The following CBLC variants were observed in gnomAD, a reference collection of about 807,000 sequenced individuals.
CBLC encodes the protein E3 ubiquitin-protein ligase CBL-C.
A neutral mutation model predicts 58.6 loss-of-function variants in CBLC; 46 were observed. The ratio of observed to expected loss-of-function variants is 0.79; its 90% CI spans 0.62 to 1.00. The LOEUF is 1.00. Among genes scored for constraint, CBLC ranks in the 50% least tolerant of loss-of-function variants. The pLI is 0.00. For synonymous variants in CBLC, 271 were observed against 264.2 expected (o/e 1.03, Z -0.25); for missense variants, 655 against 625.8 (o/e 1.05, Z -0.50).
In CBLC at chr19:44,777,959, C is replaced by T; in HGVS notation, c.28C>T (p.Arg10Ter). Residue 10 changes from arginine to a stop codon, truncating the protein, a stop_gained, in exon 1 of 11, where the codon CGA (arginine) becomes TGA (stop). Coordinates refer to ENST00000647358, the MANE Select transcript of CBLC (RefSeq NM_012116.4). LOFTEE classifies it high-confidence loss of function. ...GGCTCTGGCGGTGGCCCCGTGGGGGCGACAGTGGGAAGAGGCCCGCGCCCT... is the reference window on the plus strand; with the variant it reads ...GGCTCTGGCGGTGGCCCCGTGGGGGTGACAGTGGGAAGAGGCCCGCGCCCT... MALAVAPWG[R>*]QWEEARALGR... 6.2e-6 allele frequency: 10 copies of T among 1,600,840 alleles called. No homozygotes were observed. Among genetic ancestry groups the T allele is most frequent in the Non-Finnish European group, 8.5e-6 (10 of 1,176,538 alleles).
chr19:44,781,132 T>A, intron 2 of CBLC, 75 bp from the exon 3 acceptor site: 2 of 1,575,058 alleles, frequency 1.3e-6, no homozygotes, highest in South Asian at 1.2e-5. Context: ...CCACAGCTGC[T>A]TCTTTCCTGG....
At chr19:44,788,859 G>A (rs1449731281) in intron 5 of CBLC, among the ~76,000 whole-genome samples, 1 of 152,074 alleles carries the variant, frequency 6.6e-6, no homozygotes, top group Non-Finnish European at 1.5e-5. Flanking sequence ...TCATGTCCAT[G>A]TTACAGAAGG....
At chr19:44,784,020 A>G (rs1341169917) in intron 4 of CBLC, among the ~76,000 whole-genome samples, 1 of 152,196 alleles carries the variant, frequency 6.6e-6, no homozygotes, top group African/African-American at 2.4e-5. Flanking sequence ...ACTCCAGTGA[A>G]GCGAGGAGAG....
At chr19:44,790,267 C>T (rs939783239) in intron 6 of CBLC, among the ~76,000 whole-genome samples, 176 bp downstream of exon 6, 1 of 152,070 alleles carries the variant, frequency 6.6e-6, no homozygotes, top group South Asian at 2.1e-4. Flanking sequence ...CCTCCTGCCT[C>T]TTTCCCAGGG....
Position 44,797,574 on chromosome 19 carries a change from C to CTTTTTTTTT in CBLC, c.1363-2800_1363-2792dup, listed in dbSNP as rs763685561. Among the ~76,000 whole-genome samples the CTTTTTTTTT allele has an allele frequency of 1.1e-3, 151 of 133,156 alleles. 2 individuals carry two copies. Among genetic ancestry groups the CTTTTTTTTT allele is most frequent in the Non-Finnish European group, 1.5e-3 (96 of 62,824 alleles). 87.4% of individuals were successfully genotyped at this position (133,156 alleles called of 152,430 possible). ...AACTTTTGCTATGTGCCTGGCATTG[C>CTTTTTTTTT]TTTTTTTTTTTTTTTAAGATGGGGT... On this transcript the variant is annotated intron_variant, in intron 9 of 10. Coordinates refer to ENST00000647358, the MANE Select transcript of CBLC (RefSeq NM_012116.4).
intron 9 of CBLC, among the ~76,000 whole-genome samples, chr19:44,799,816 G>A (rs76701630): frequency 0.033 from 4,777 of 146,356 alleles, 194 homozygotes; most frequent in East Asian, 0.12. Flanking sequence ...GAAGGAGAGA[G>A]CGAGAGAGAA....
chr19:44,799,694 A>G (rs2967668), intron 9 of CBLC, among the ~76,000 whole-genome samples: 24,560 of 146,082 alleles, frequency 0.17, 2,310 homozygotes, highest in African/African-American at 0.27. Flanking sequence ...AAAGTAAAGA[A>G]AGAGAGAGAG....
chr19:44,792,233 A>T (rs1171184515), intron 6 of CBLC, 150 bp from the exon 7 acceptor site: 2 of 720,898 alleles, frequency 2.8e-6, no homozygotes, highest in East Asian at 5.7e-5. Flanking sequence ...ACCTCAGATG[A>T]TCCCCCTGCC....
intron 3 of CBLC, 106 bp from the exon 4 acceptor site, chr19:44,782,264 A>C: frequency 2.6e-6 from 4 of 1,521,058 alleles, no homozygotes; most frequent in Non-Finnish European, 3.6e-6. Flanking sequence ...CCTGAGGCCC[A>C]CCATGGGTGT....
chr19:44,796,414 A>G (rs1015326923), intron 9 of CBLC, among the ~76,000 whole-genome samples: 1 of 151,508 alleles, frequency 6.6e-6, no homozygotes, highest in Non-Finnish European at 1.5e-5. Flanking sequence ...ATGGAGTTTC[A>G]CTCTTGTTGC....
At chr19:44,783,077 T>C (rs551905943) in intron 4 of CBLC, among the ~76,000 whole-genome samples, 1 of 152,076 alleles carries the variant, frequency 6.6e-6, no homozygotes, top group Non-Finnish European at 1.5e-5. Context: ...ATTCCTATAA[T>C]TGAAAAGGCC....
At chr19:44,800,477 GC>G in intron 10 of CBLC, 27 bp downstream of exon 10, 1 of 1,485,420 alleles carries the variant, frequency 6.7e-7, no homozygotes. Flanking sequence ...ACCCTCCCTG[GC>G]CCACTCCACC....
At chr19:44,781,485 A>T in intron 3 of CBLC, 122 bp downstream of exon 3, 1 of 918,280 alleles carries the variant, frequency 1.1e-6, no homozygotes. Flanking sequence ...CTGAGGGAGG[A>T]GGGGCCGGGG....
In CBLC at chr19:44,781,257, CT is replaced by C; in HGVS notation, c.552del (p.Val185TrpfsTer94). On this transcript the variant is annotated frameshift_variant, in exon 3 of 11. Coordinates refer to ENST00000647358, the MANE Select transcript of CBLC (RefSeq NM_012116.4). LOFTEE classifies it high-confidence loss of function. ...EFESLLGTCH[P>X]VEPGCTALAL... ...GAGTCCCTCCTGGGCACCTGCCACC[CT>C]GTGGAACCAGGCTGCACAGCCCTGG... The C allele has an allele frequency of 1.9e-6, 3 of 1,613,818 alleles. No individual in the cohort carries two copies. Among genetic ancestry groups the C allele is most frequent in the Non-Finnish European group, 2.5e-6 (3 of 1,179,992 alleles).
chr19:44,800,250 G>A (rs983026382), intron 9 of CBLC, 131 bp from the exon 10 acceptor site: 8 of 649,176 alleles, frequency 1.2e-5, no homozygotes, highest in East Asian at 5.5e-5. Context: ...CCTCAGCCGC[G>A]CAGGAAGCCA....
chr19:44,784,208 C>G, intron 4 of CBLC, 56 bp from the exon 5 acceptor site: 1 of 1,478,958 alleles, frequency 6.8e-7, no homozygotes, highest in Middle Eastern at 1.8e-4. Context: ...TGGAAGTTCA[C>G]AAAAGGGATG....
chr19:44,800,269 C>T, intron 9 of CBLC, 112 bp from the exon 10 acceptor site: 1 of 728,100 alleles, frequency 1.4e-6, no homozygotes, highest in Non-Finnish European at 2.4e-6. Flanking sequence ...CACCTCCAGC[C>T]CCCAGGTGGT....
At chr19:44,785,752 A>G (rs1266346662) in intron 5 of CBLC, among the ~76,000 whole-genome samples, 5 of 151,922 alleles carry the variant, frequency 3.3e-5, no homozygotes, top group Non-Finnish European at 7.4e-5. Context: ...CCTGGTCAAC[A>G]TGGTGAAACC....
intron 1 of CBLC, among the ~76,000 whole-genome samples, chr19:44,780,533 C>T (rs1231267509): frequency 2.9e-5 from 4 of 139,262 alleles, no homozygotes; most frequent in Admixed American, 7.9e-5. Flanking sequence ...AGTGCAGTGG[C>T]GTGATCTCAG....
Sources: gnomAD v4.1 joint callset for allele counts (sites outside exome capture counted in the v4.1 genomes callset) on GRCh38, gnomAD v4.1.1 for gene constraint, MANE v1.5 for transcripts, NCBI Gene and HGNC (gene_info 2026-07-23, HGNC 2026-07-21) for gene names.